The following TMEM233 variants were observed in gnomAD, a reference collection of about 807,000 sequenced individuals.
TMEM233 encodes the protein transmembrane protein 233.
Under a neutral mutation model 11.2 loss-of-function variants are expected in TMEM233, and 6 were observed. That is an observed-to-expected ratio of 0.54 (90% CI 0.29 to 1.06). The LOEUF is 1.06. Ranked by LOEUF, TMEM233 falls within the 50% of genes least tolerant of loss-of-function variation. The probability of loss-of-function intolerance (pLI) is 0.08; values close to 1 mark genes in which losing one functional copy is unlikely to be tolerated. For missense variants in TMEM233, 127 were observed against 144.7 expected, an observed-to-expected ratio of 0.88 and a Z score of 0.63; for synonymous variants, 59 against 55.8, an observed-to-expected ratio of 1.06 and a Z score of -0.26.
chr12:119,647,785 C>A (rs111476967), downstream of TMEM233, among the ~76,000 whole-genome samples: 1,682 of 150,184 alleles, frequency 0.011, 29 homozygotes, highest in African/African-American at 0.039. Flanking sequence ...CCCCCCACCC[C>A]CCCGACAGGC....
At chr12:119,605,360 G>A (rs937560088) in intron 1 of TMEM233, among the ~76,000 whole-genome samples, 4 of 146,390 alleles carry the variant, frequency 2.7e-5, no homozygotes, top group Admixed American at 6.9e-5. Flanking sequence ...AATCAACCAT[G>A]ACAGTCCTTA....
the TMEM233 span, among the ~76,000 whole-genome samples, chr12:119,648,291 A>G: frequency 1.3e-5 from 2 of 152,080 alleles, no homozygotes; most frequent in Non-Finnish European, 2.9e-5. Context: ...TCCTCCCCCT[A>G]GGATGTTGAC....
intron 1 of TMEM233, among the ~76,000 whole-genome samples, chr12:119,620,998 A>G (rs1476099864): frequency 6.6e-6 from 1 of 151,044 alleles, no homozygotes; most frequent in African/African-American, 2.4e-5. Context: ...CTCTCGCCTC[A>G]GCCTCCTGAG....
At chr12:119,597,681 G>A (rs1954074572) in intron 1 of TMEM233, among the ~76,000 whole-genome samples, 1 of 152,188 alleles carries the variant, frequency 6.6e-6, no homozygotes, top group Non-Finnish European at 1.5e-5. Context: ...GAGTCCTGGG[G>A]TCCTGGGGGT....
chr12:119,638,865 C>T (rs1002569332), intron 2 of TMEM233, among the ~76,000 whole-genome samples: 2 of 151,858 alleles, frequency 1.3e-5, no homozygotes, highest in South Asian at 4.2e-4. Flanking sequence ...ACTGAGATCC[C>T]GTCTCTATTT....
At chr12:119,596,755 AGTGCT>A (rs1954057663) in intron 1 of TMEM233, among the ~76,000 whole-genome samples, 1 of 152,106 alleles carries the variant, frequency 6.6e-6, no homozygotes, top group South Asian at 2.1e-4. Context: ...AGCCTCCCAG[AGTGCT>A]GGGATTACAT....
Position 119,632,754 on chromosome 12 carries a change from T to C in TMEM233, c.323+2882T>C, listed in dbSNP as rs544479169. 2.0e-5 allele frequency among the ~76,000 whole-genome samples: 3 copies of C among 152,308 alleles called. No individual in the cohort carries two copies. In the South Asian group the frequency reaches 6.2e-4, roughly 32 times the overall value. ...GAAATCTGGGATTTTATGTAAAATC[T>C]CCAAATTTTTAGATGTTGACAACCA... On this transcript the variant is annotated intron_variant, in intron 2 of 2. Transcript: ENST00000426426.
chr12:119,634,162 G>T (rs1402053736), intron 2 of TMEM233: 1 of 702,998 alleles, frequency 1.4e-6, no homozygotes, highest in East Asian at 1.3e-4. Flanking sequence ...GGAGGGGAAT[G>T]AAGTTGCCAC....
At chr12:119,601,514 C>G (rs1954164268) in intron 1 of TMEM233, among the ~76,000 whole-genome samples, 1 of 151,968 alleles carries the variant, frequency 6.6e-6, no homozygotes, top group Admixed American at 6.6e-5. Flanking sequence ...AAAAATTAGC[C>G]AGGCGTGGTG....
chr12:119,620,667 C>T (rs1954622693), intron 1 of TMEM233, among the ~76,000 whole-genome samples: 1 of 152,030 alleles, frequency 6.6e-6, no homozygotes, highest in South Asian at 2.1e-4. Flanking sequence ...GGAAAGATTG[C>T]ACCATAACAA....
At chr12:119,640,225 G>T (rs191198244) in intron 2 of TMEM233, among the ~76,000 whole-genome samples, 1 of 152,292 alleles carries the variant, frequency 6.6e-6, no homozygotes, top group Non-Finnish European at 1.5e-5. Flanking sequence ...CACAATCTCG[G>T]CTCACTGCAA....
intron 1 of TMEM233, among the ~76,000 whole-genome samples, chr12:119,618,322 G>C (rs1164140381): frequency 6.6e-6 from 1 of 152,232 alleles, no homozygotes; most frequent in Non-Finnish European, 1.5e-5. Context: ...AAGTATGGAA[G>C]GGAAATATGC....
At chr12:119,634,120 T>G (rs1954933050) in intron 2 of TMEM233, 1 of 279,806 alleles carries the variant, frequency 3.6e-6, no homozygotes, top group African/African-American at 2.3e-5. Flanking sequence ...AGCAAACTCA[T>G]CATCCTAATC....
rs114542299 is a variant in TMEM233 at position 119,615,650 on chromosome 12, A to G, written c.187-14086A>G. On this transcript the variant is annotated intron_variant, in intron 1 of 2. Coordinates refer to ENST00000426426, the MANE Select transcript of TMEM233 (RefSeq NM_001136534.3). ...TCCGGTCTTCACTGGCAGCAATCCC[A>G]TAGGTACTGCTGTCTCATCCAGGGT... Among the ~76,000 whole-genome samples the G allele has an allele frequency of 6.4e-3, 981 of 152,284 alleles. 9 individuals are homozygous for G. The highest frequency in any genetic ancestry group is 0.023 in the African/African-American group (956 of 41,544).
At chr12:119,625,614 T>C (rs1333364447) in intron 1 of TMEM233, among the ~76,000 whole-genome samples, 4 of 152,220 alleles carry the variant, frequency 2.6e-5, no homozygotes, top group Non-Finnish European at 5.9e-5. Context: ...AGAGAGCTTA[T>C]TTTTCAAAAC....
chr12:119,615,819 C>T lies in TMEM233; in HGVS notation c.187-13917C>T, dbSNP rs143031927. ...TGAACTCTCAGAACATTAGACCTAC[C>T]GGTATTCAGTGCCAGTTATCAAAAT... is the stretch of plus-strand genomic sequence containing the variant. On this transcript the variant is annotated intron_variant, in intron 1 of 2. Coordinates refer to ENST00000426426, the MANE Select transcript of TMEM233 (RefSeq NM_001136534.3). Among the ~76,000 whole-genome samples, 1,248 of 152,200 alleles carry T rather than the reference C, an allele frequency of 8.2e-3. 10 individuals are homozygous for T. The highest frequency in any genetic ancestry group is 0.021 in the South Asian group (99 of 4,820).
At chr12:119,608,010 A>T (rs887538327) in intron 1 of TMEM233, among the ~76,000 whole-genome samples, 1 of 152,172 alleles carries the variant, frequency 6.6e-6, no homozygotes, top group African/African-American at 2.4e-5. Flanking sequence ...CTGATATTTT[A>T]TTCTAGTCTT....
chr12:119,613,855 G>C (rs1170944372), intron 1 of TMEM233, among the ~76,000 whole-genome samples: 1 of 152,088 alleles, frequency 6.6e-6, no homozygotes, highest in Non-Finnish European at 1.5e-5. Flanking sequence ...CCCTGAAGGT[G>C]CCAACAGGTC....
At chr12:119,596,939 G>C (rs559737020) in intron 1 of TMEM233, among the ~76,000 whole-genome samples, 2 of 152,202 alleles carry the variant, frequency 1.3e-5, no homozygotes, top group African/African-American at 2.4e-5. Flanking sequence ...TGCAATAATT[G>C]TCAGACAGAT....
Sources: allele counts gnomAD v4.1 joint callset (sites outside exome capture counted in the v4.1 genomes callset), GRCh38; gene constraint gnomAD v4.1.1; transcripts MANE v1.5; gene names NCBI Gene and HGNC (gene_info 2026-07-23, HGNC 2026-07-21).